The following SLC24A3 variants were observed in gnomAD, a reference collection of about 807,000 sequenced individuals.
SLC24A3 encodes the protein solute carrier family 24 member 3, also known as sodium/potassium/calcium exchanger 3.
In SLC24A3, 28 loss-of-function variants were observed where a neutral mutation model predicts 75.8. The observed-to-expected ratio is 0.37, with a 90% CI of 0.27 to 0.51. The LOEUF is 0.51. SLC24A3 is among the 20% of genes least tolerant of loss of function. The pLI is 0.94. For missense variants in SLC24A3, 663 were observed against 847.8 expected, an observed-to-expected ratio of 0.78 and a Z score of 2.71; for synonymous variants, 372 against 334.1, an observed-to-expected ratio of 1.11 and a Z score of -1.24.
intron 7 of SLC24A3, among the ~76,000 whole-genome samples, chr20:19,663,139 G>A (rs1022745203): frequency 6.6e-6 from 1 of 151,926 alleles, no homozygotes; most frequent in Non-Finnish European, 1.5e-5. Context: ...CCAGATCATA[G>A]CTCACTGCAG....
At chr20:19,463,745 G>A (rs561302403) in intron 2 of SLC24A3, among the ~76,000 whole-genome samples, 1 of 152,322 alleles carries the variant, frequency 6.6e-6, no homozygotes, top group African/African-American at 2.4e-5. Context: ...CTGACTTGCG[G>A]AGGTGGCCAG....
At chr20:19,239,131 A>AG in intron 1 of SLC24A3, among the ~76,000 whole-genome samples, 1 of 151,708 alleles carries the variant, frequency 6.6e-6, no homozygotes, top group East Asian at 1.9e-4. Context: ...AAAAAAAAAA[A>AG]AAAAAAACAA....
intron 2 of SLC24A3, among the ~76,000 whole-genome samples, chr20:19,323,102 A>C (rs1450975498): frequency 6.8e-6 from 1 of 146,538 alleles, no homozygotes; most frequent in Non-Finnish European, 1.5e-5. Context: ...GCTACTCGGG[A>C]GGCTGAGGCA....
chr20:19,248,728 C>T (rs1982565699), intron 1 of SLC24A3, among the ~76,000 whole-genome samples: 1 of 151,966 alleles, frequency 6.6e-6, no homozygotes, highest in Non-Finnish European at 1.5e-5. Flanking sequence ...TTCATGATAG[C>T]CAAGATACGG....
At chr20:19,363,734 C>A (rs578028905) in intron 2 of SLC24A3, among the ~76,000 whole-genome samples, 35 of 152,298 alleles carry the variant, frequency 2.3e-4, no homozygotes, top group African/African-American at 8.4e-4. Context: ...GGAGCCTTAA[C>A]AATCGCTTAT....
chr20:19,214,989 C>T (rs866712274), intron 1 of SLC24A3, among the ~76,000 whole-genome samples: 4 of 152,240 alleles, frequency 2.6e-5, no homozygotes, highest in South Asian at 4.1e-4. Flanking sequence ...CCCTGTGTTG[C>T]CCCCGAATGA....
chr20:19,271,327 TA>T (rs1354173057), intron 1 of SLC24A3, among the ~76,000 whole-genome samples: 2,079 of 129,884 alleles, frequency 0.016, 27 homozygotes, highest in African/African-American at 0.031. Flanking sequence ...AATTAAAAAA[TA>T]AAAAAAAAAA....
At chr20:19,474,296 G>A (rs1987925326) in intron 2 of SLC24A3, among the ~76,000 whole-genome samples, 1 of 152,200 alleles carries the variant, frequency 6.6e-6, no homozygotes, top group Non-Finnish European at 1.5e-5. Context: ...ACTTCCCTGT[G>A]CCTGGTATCC....
chr20:19,261,816 A>G (rs1982998693), intron 1 of SLC24A3: 3 of 152,264 alleles, frequency 2.0e-5, no homozygotes, highest in Admixed American at 2.0e-4. Context: ...TCTCATGACA[A>G]TGCTTATATC....
At chr20:19,625,255 T>A (rs970764883) in intron 6 of SLC24A3, among the ~76,000 whole-genome samples, 9 of 152,222 alleles carry the variant, frequency 5.9e-5, no homozygotes, top group African/African-American at 2.2e-4. Context: ...ATTCTTGTTT[T>A]GCAATCTACT....
At chr20:19,677,686 C>CTTTTTTTT (rs796484728) in intron 9 of SLC24A3, among the ~76,000 whole-genome samples, 4 of 113,916 alleles carry the variant, frequency 3.5e-5, no homozygotes, top group African/African-American at 1.0e-4. Context: ...TTTTTTTTTT[C>CTTTTTTTT]TTTTTTTTTT....
chr20:19,240,443 A>G (rs1667500217), intron 1 of SLC24A3, among the ~76,000 whole-genome samples: 1 of 152,224 alleles, frequency 6.6e-6, no homozygotes, highest in Admixed American at 6.5e-5. Context: ...TCTAAGTGAC[A>G]GGGAACTCCA....
At chr20:19,445,375 T>C (rs529278652) in intron 2 of SLC24A3, among the ~76,000 whole-genome samples, 6 of 152,342 alleles carry the variant, frequency 3.9e-5, no homozygotes, top group African/African-American at 1.4e-4. Flanking sequence ...TTCATAGATA[T>C]CTGGGCCAGA....
intron 2 of SLC24A3, among the ~76,000 whole-genome samples, chr20:19,410,918 ACAGGGAGCTGTGGTGGGAGT>A (rs1986733077): frequency 6.6e-6 from 1 of 152,202 alleles, no homozygotes. Flanking sequence ...TTCAGTTGTG[ACAGGGAGCTGTGGTGGGAGT>A]TGTTTCTGGA....
chr20:19,657,865 G>A (rs1468425114), intron 7 of SLC24A3, among the ~76,000 whole-genome samples: 4 of 151,992 alleles, frequency 2.6e-5, no homozygotes, highest in African/African-American at 9.7e-5. Context: ...TTTCCCTTAG[G>A]TAATACTAAG....
chr20:19,668,305 T>C (rs960358856), intron 8 of SLC24A3, among the ~76,000 whole-genome samples: 1 of 152,264 alleles, frequency 6.6e-6, no homozygotes, highest in Non-Finnish European at 1.5e-5. Context: ...AATTTTTTAC[T>C]GTTCACTTCT....
rs547910088 is a variant in SLC24A3, at chr20:19,721,207, G to A, written c.*67G>A. 68 of 1,585,456 alleles carry A rather than the reference G, an allele frequency of 4.3e-5. No homozygotes were observed. The highest frequency in any genetic ancestry group is 6.7e-5 in the African/African-American group (5 of 74,538). On this transcript the variant is annotated 3_prime_UTR_variant, in exon 17 of 17. Coordinates refer to ENST00000328041, the MANE Select transcript of SLC24A3 (RefSeq NM_020689.4). Reference sequence around the variant, plus strand: ...GCAATACGAGACCCGGCCGCACCCCGAGTCACACAGGCCCCCGGGGCCACG... The same window carrying A: ...GCAATACGAGACCCGGCCGCACCCCAAGTCACACAGGCCCCCGGGGCCACG...
chr20:19,438,995 G>A (rs1025761787), intron 2 of SLC24A3, among the ~76,000 whole-genome samples: 2 of 152,184 alleles, frequency 1.3e-5, no homozygotes, highest in South Asian at 2.1e-4. Context: ...GTGCATACCC[G>A]GGGGAAGAAG....
intron 1 of SLC24A3, among the ~76,000 whole-genome samples, chr20:19,256,768 CA>C (rs11475395): frequency 0.37 from 29,469 of 80,454 alleles, 3,347 homozygotes; most frequent in East Asian, 0.6. Context: ...GACGTTGTCT[CA>C]AAAAAAAAAA....
Sources: allele counts gnomAD v4.1 joint callset (sites outside exome capture counted in the v4.1 genomes callset), GRCh38; gene constraint gnomAD v4.1.1; transcripts MANE v1.5; gene names NCBI Gene and HGNC (gene_info 2026-07-23, HGNC 2026-07-21).